The following MAT2B variants were observed in gnomAD, a reference collection of about 807,000 sequenced individuals.
MAT2B encodes the protein methionine adenosyltransferase 2 subunit beta.
Under a neutral mutation model 36.1 loss-of-function variants are expected in MAT2B, and 16 were observed. That is an observed-to-expected ratio of 0.44 (90% confidence interval 0.30 to 0.67). The LOEUF (loss-of-function observed/expected upper bound fraction) is 0.67, where lower values mean the gene tolerates loss of function less well. MAT2B is among the 30% of genes least tolerant of loss of function. The pLI is 0.09. For missense variants in MAT2B, 332 were observed against 398.2 expected (o/e 0.83, Z 1.42); for synonymous variants, 148 against 136.9 (o/e 1.08, Z -0.57).
chr5:163,505,579 G>T (rs1388666432), upstream of MAT2B: 2 of 1,247,074 alleles, frequency 1.6e-6, no homozygotes, highest in Admixed American at 4.2e-5. Flanking sequence ...GAGCGGGGTC[G>T]TTCTGGGCCT....
At chr5:163,517,364 C>A in intron 5 of MAT2B, 197 bp from the exon 6 acceptor site, 1 of 331,754 alleles carries the variant, frequency 3.0e-6, no homozygotes, top group Non-Finnish European at 5.5e-6. Context: ...GGTTTAAATT[C>A]TAGAAATTGC....
At position 163,505,697 on chromosome 5, in the gene MAT2B, G is replaced by T; in HGVS notation, c.11G>T (p.Arg4Leu). MVG[R>L]EKELSIHFVP... ...GTGAAGACGGCGGGCATGGTGGGGC[G>T]GGAGAAAGAGCTCTCTATACACTTT... The change falls in exon 1 of 7, where the codon CGG becomes CTG. Residue 4 changes from arginine to leucine, a missense_variant. Arg to Leu is a moderately radical substitution (Grantham distance 102). Transcript: ENST00000321757. 1 of 1,284,840 alleles carries T rather than the reference G, an allele frequency of 7.8e-7. No homozygotes were observed. The highest frequency in any genetic ancestry group is 1.5e-5 in the African/African-American group (1 of 65,930). 79.6% of individuals were successfully genotyped at this position (1,284,840 alleles called of 1,614,324 possible). A position where few individuals can be genotyped will look rare whatever the true frequency, so the allele number is the denominator to read the frequency against.
At chr5:163,504,459 T>C (rs1314148395), upstream of MAT2B, among the ~76,000 whole-genome samples, 1 of 152,258 alleles carries the variant, frequency 6.6e-6, no homozygotes, top group African/African-American at 2.4e-5. Flanking sequence ...AGTCATGGTG[T>C]TCTGACGTGG....
intron 2 of MAT2B, chr5:163,512,500 A>T: frequency 2.3e-6 from 1 of 426,660 alleles, no homozygotes; most frequent in Non-Finnish European, 4.3e-6. Context: ...AACACTGCAA[A>T]ATAGTTATTT....
chr5:163,518,165 A>AT (rs1318809346), intron 6 of MAT2B, 28 bp from the exon 7 acceptor site: 72 of 1,549,094 alleles, frequency 4.6e-5, no homozygotes, highest in Non-Finnish European at 5.8e-5. Flanking sequence ...CTTACTTTTG[A>AT]TTTTTTTGTG....
upstream of MAT2B, chr5:163,505,572 C>T (rs1280260400): frequency 1.6e-6 from 2 of 1,246,062 alleles, no homozygotes; most frequent in African/African-American, 1.6e-5. Context: ...AAGCGGCGAG[C>T]GGGGTCGTTC....
upstream of MAT2B, chr5:163,503,460 G>C (rs776340240): frequency 6.3e-7 from 1 of 1,596,420 alleles, no homozygotes; most frequent in South Asian, 1.1e-5. Context: ...AAGCATTCTA[G>C]AGTAAGAGAT....
chr5:163,518,278 A>G lies in MAT2B; in HGVS notation c.920A>G (p.Gln307Arg), dbSNP rs1760164656. 1 of 1,613,960 alleles carries G rather than the reference A, an allele frequency of 6.2e-7. No homozygotes were observed. The highest frequency in any genetic ancestry group is 8.5e-7 in the Non-Finnish European group (1 of 1,179,948). ...AAATTGGAGACCTTGGGCATTGGCC[A>G]ACGAACACCATTTCGAATTGGAATC... ...CSKLETLGIG[Q>R]RTPFRIGIKE... The change falls in exon 7 of 7, where the codon CAA (glutamine) becomes CGA (arginine). Residue 307 changes from glutamine (Q) to arginine (R), a missense_variant. Transcript: ENST00000321757.
chr5:163,507,613 A>T (rs1270263153), intron 1 of MAT2B, among the ~76,000 whole-genome samples: 1 of 152,192 alleles, frequency 6.6e-6, no homozygotes, highest in Admixed American at 6.5e-5. Context: ...ATAGCATTTT[A>T]TTCTTTCATT....
intron 1 of MAT2B, among the ~76,000 whole-genome samples, chr5:163,511,736 TTGAGA>T (rs1238821748): frequency 6.6e-6 from 1 of 152,168 alleles, no homozygotes; most frequent in Non-Finnish European, 1.5e-5. Context: ...TTTTTTTGTA[TTGAGA>T]TGGGTCTCAT....
At chr5:163,509,796 A>G (rs993571576) in intron 1 of MAT2B, among the ~76,000 whole-genome samples, 3 of 152,194 alleles carry the variant, frequency 2.0e-5, no homozygotes, top group African/African-American at 7.2e-5. Context: ...AATTTCAAAG[A>G]AAATATTTTG....
chr5:163,516,660 T>C lies in MAT2B; in HGVS notation c.669T>C (p.His223=), dbSNP rs201730499. ...MDHWQQRFPT[H]VKDVATVCRQ... is the part of the protein sequence containing the mutation. ...ACTGGCAGCAGAGGTTCCCCACACA[T>C]GTCAAAGATGTGGCCACTGTGTGCC... The change falls in exon 5 of 7, where the codon CAT becomes CAC. Residue 223 remains histidine, a synonymous_variant. Coordinates refer to ENST00000321757, the MANE Select transcript of MAT2B (RefSeq NM_013283.5). 7.4e-6 allele frequency: 12 copies of C among 1,614,162 alleles called. No homozygotes were observed. Among genetic ancestry groups the C allele is most frequent in the Middle Eastern group, 1.6e-4 (1 of 6,062 alleles).
chr5:163,516,506 A>G lies in MAT2B; in HGVS notation c.527-12A>G, dbSNP rs758322889. The G allele has an allele frequency of 1.6e-5, 25 of 1,609,512 alleles. No individual in the cohort carries two copies. Among genetic ancestry groups the G allele is most frequent in the Non-Finnish European group, 2.0e-5 (23 of 1,176,366 alleles). Reference sequence around the variant, plus strand: ...AGTCAGCTTTAAATTATTTGCTTTTATTCTTCTCTAGGAGCTGCTGTTTTG... The same window carrying G: ...AGTCAGCTTTAAATTATTTGCTTTTGTTCTTCTCTAGGAGCTGCTGTTTTG... On this transcript the variant is annotated splice_polypyrimidine_tract_variant and intron_variant, in intron 4 of 6. Transcript: ENST00000321757.
chr5:163,509,032 AGC>A (rs1450259600), intron 1 of MAT2B, among the ~76,000 whole-genome samples: 1 of 152,150 alleles, frequency 6.6e-6, no homozygotes, highest in Non-Finnish European at 1.5e-5. Context: ...TTCCCTAAAG[AGC>A]CTTGTTCTTC....
At chr5:163,508,359 T>C (rs1325285846) in intron 1 of MAT2B, among the ~76,000 whole-genome samples, 2 of 152,126 alleles carry the variant, frequency 1.3e-5, no homozygotes, top group Non-Finnish European at 2.9e-5. Context: ...TGCCTCAGCC[T>C]CCCAAGTAGC....
Position 163,513,040 on chromosome 5 carries a change from C to T in MAT2B, c.259-515C>T, listed in dbSNP as rs186686248. On this transcript the variant is annotated intron_variant, in intron 2 of 6. Transcript: ENST00000321757. The stretch of plus-strand genomic sequence containing the variant: ...TCACTCTGTAGCCCAGGGTGAAGTA[C>T]GGTAGATCGATCACAGCCCACTGTA... 171 of 191,474 alleles carry T rather than the reference C, an allele frequency of 8.9e-4. 1 individual carries two copies. Among genetic ancestry groups the T allele is most frequent in the Admixed American group, 2.3e-3 (41 of 18,134 alleles). 11.9% of individuals were successfully genotyped at this position (191,474 alleles called of 1,614,324 possible). A position where few individuals can be genotyped will look rare whatever the true frequency, so the allele number is the denominator to read the frequency against.
Position 163,519,323 on chromosome 5 carries a change from C to T in MAT2B, c.*960C>T, listed in dbSNP as rs1760184816. The T allele has an allele frequency of 6.6e-6, 1 of 152,060 alleles. No individual in the cohort carries two copies. The highest frequency in any genetic ancestry group is 6.5e-5 in the Admixed American group (1 of 15,276). 9.4% of individuals were successfully genotyped at this position (152,060 alleles called of 1,614,324 possible). On this transcript the variant is annotated 3_prime_UTR_variant, in exon 7 of 7. Transcript: ENST00000321757. ...TTGAAATAAAACACAATAAAATTAA[C>T]ACTTGATCCAGAATGTTAACTTACC...
At position 163,513,414 on chromosome 5, in the gene MAT2B, A is replaced by G. The variant is rs1260561897; in HGVS notation, c.259-141A>G. On this transcript the variant is annotated intron_variant, in intron 2 of 6. Coordinates refer to ENST00000321757, the MANE Select transcript of MAT2B (RefSeq NM_013283.5). ...GGAAAAGAAGCAGCATGACAAAACT[A>G]CATTAGAAATTACAATGATTTATTC... 6 of 568,224 alleles carry G rather than the reference A, an allele frequency of 1.1e-5. No individual in the cohort carries two copies. In the East Asian group the frequency reaches 1.7e-4, roughly 16 times the overall value. 35.2% of individuals were successfully genotyped at this position (568,224 alleles called of 1,614,324 possible).
chr5:163,512,244 G>T (rs779380579), intron 2 of MAT2B, 48 bp downstream of exon 2: 3 of 1,453,946 alleles, frequency 2.1e-6, no homozygotes, highest in Non-Finnish European at 2.9e-6. Flanking sequence ...ATTAAGAGTT[G>T]TCTGGATGAT....
Sources: allele counts gnomAD v4.1 joint callset (sites outside exome capture counted in the v4.1 genomes callset), GRCh38; gene constraint gnomAD v4.1.1; transcripts MANE v1.5; gene names NCBI Gene and HGNC (gene_info 2026-07-23, HGNC 2026-07-21).